The following ARHGEF11 variants were observed in gnomAD, a reference collection of about 807,000 sequenced individuals.
ARHGEF11 encodes the protein Rho guanine nucleotide exchange factor 11.
Under a neutral mutation model 193.7 loss-of-function variants are expected in ARHGEF11, and 55 were observed. The ratio of observed to expected loss-of-function variants is 0.28; its 90% CI spans 0.23 to 0.36. The LOEUF is 0.36. ARHGEF11 is among the 10% of genes least tolerant of loss of function. The pLI is 1.00. For synonymous variants in ARHGEF11, 693 were observed against 768.0 expected, an observed-to-expected ratio of 0.90 and a Z score of 1.62; for missense variants, 1,723 against 2,005.6, an observed-to-expected ratio of 0.86 and a Z score of 2.69.
At chr1:157,037,689 C>A (rs1328338357) in intron 1 of ARHGEF11, among the ~76,000 whole-genome samples, 3 of 152,118 alleles carry the variant, frequency 2.0e-5, no homozygotes, top group Admixed American at 6.5e-5. Flanking sequence ...CAATTATGTA[C>A]CATCTTTTTA....
intron 40 of ARHGEF11, among the ~76,000 whole-genome samples, chr1:156,936,489 A>T (rs1655188952): frequency 1.3e-5 from 1 of 77,142 alleles, no homozygotes; most frequent in Non-Finnish European, 2.4e-5. Flanking sequence ...AGAAAAAAAA[A>T]AAAAAAAAAT....
intron 1 of ARHGEF11, among the ~76,000 whole-genome samples, chr1:157,034,198 A>G (rs989016671): frequency 1.3e-5 from 2 of 152,086 alleles, no homozygotes; most frequent in Non-Finnish European, 2.9e-5. Flanking sequence ...CCATTCACAT[A>G]GCTATTTACT....
At chr1:156,955,621 C>T in intron 20 of ARHGEF11, 82 bp downstream of exon 20, 1 of 1,100,498 alleles carries the variant, frequency 9.1e-7, no homozygotes, top group South Asian at 1.3e-5. Context: ...ACAGGAAGGC[C>T]CTCTGCCAAC....
chr1:156,966,514 CCA>C (rs1267344091), intron 11 of ARHGEF11, among the ~76,000 whole-genome samples: 1 of 152,204 alleles, frequency 6.6e-6, no homozygotes, highest in Non-Finnish European at 1.5e-5. Flanking sequence ...AGATGACAAC[CCA>C]CAGTTTGAAA....
chr1:157,013,245 A>AT (rs1490588330), intron 1 of ARHGEF11, among the ~76,000 whole-genome samples: 2 of 133,908 alleles, frequency 1.5e-5, no homozygotes, highest in African/African-American at 5.6e-5. Flanking sequence ...CCAACTGCTC[A>AT]TAACTCCCCA....
Position 156,948,767 on chromosome 1 carries a change from G to A in ARHGEF11, c.1926-269C>T. On this transcript the variant is annotated intron_variant, in intron 22 of 40. Coordinates refer to ENST00000368194, the MANE Select transcript of ARHGEF11 (RefSeq NM_198236.3). This position sits in a 1 kb window ranked among gnomAD's most constrained non-coding sequence, Gnocchi z 4.2. ...GAGCTATTAGGAAGGGATCCTAACA[G>A]GAAGATGAAATCTGGGGCTAACAGA... The A allele has an allele frequency of 1.4e-6, 2 of 1,402,360 alleles. No homozygotes were observed. Among genetic ancestry groups the A allele is most frequent in the Middle Eastern group, 2.5e-4 (1 of 3,988 alleles). The allele number at this position is 1,402,360 out of a possible 1,614,324, so 86.9% of individuals were successfully genotyped here.
At chr1:157,046,036 G>A (rs1263422248), upstream of ARHGEF11, among the ~76,000 whole-genome samples, 3 of 151,052 alleles carry the variant, frequency 2.0e-5, no homozygotes, top group Non-Finnish European at 4.4e-5. Context: ...GCCCGCCCCT[G>A]TCCCGGCCTC....
At chr1:157,040,790 T>C (rs952696974) in intron 1 of ARHGEF11, among the ~76,000 whole-genome samples, 2 of 152,254 alleles carry the variant, frequency 1.3e-5, no homozygotes, top group African/African-American at 2.4e-5. Flanking sequence ...ATAATTTATA[T>C]AGAGTTTACA....
intron 13 of ARHGEF11, among the ~76,000 whole-genome samples, chr1:156,962,312 C>A (rs540091511): frequency 3.6e-4 from 55 of 152,256 alleles, no homozygotes; most frequent in African/African-American, 1.2e-3. Flanking sequence ...AAAACAGCAG[C>A]CCATGCCCCA....
At chr1:157,035,823 TATATATATGGA>T (rs1208692234) in intron 1 of ARHGEF11, among the ~76,000 whole-genome samples, 1 of 30 alleles carries the variant, frequency 0.033, no homozygotes, top group Non-Finnish European at 0.042. Context: ...TATATAGGAA[TATATATATGGA>T]ATATATATAT....
intron 1 of ARHGEF11, among the ~76,000 whole-genome samples, chr1:156,995,563 T>TA (rs1557923035): frequency 1.3e-5 from 2 of 151,734 alleles, no homozygotes; most frequent in Non-Finnish European, 2.9e-5. Context: ...CTTCTTCTTT[T>TA]TTTTTTTTTT....
rs371477646 is a variant in ARHGEF11, at chr1:156,947,289, G to A, written c.2488+15C>T. ...GGCAGCAGAAGAGGAGTCTGGAGGG[G>A]CACAGGCTCCTTACTGTGAATCTCT... On this transcript the variant is annotated intron_variant, in intron 26 of 40. Transcript: ENST00000368194. 2.5e-6 allele frequency: 4 copies of A among 1,593,696 alleles called. No homozygotes were observed. Among genetic ancestry groups the A allele is most frequent in the Admixed American group, 1.8e-5 (1 of 56,510 alleles).
rs142918050 is a variant in ARHGEF11 at position 156,999,753 on chromosome 1, AG to A, written c.33-13581del. ...AAGATAAAGAACAAGCATCTGTCAC[AG>A]GGACTTGCCAGGGCCGAAGGGAAAG... is the stretch of plus-strand genomic sequence containing the variant. On this transcript the variant is annotated intron_variant, in intron 1 of 40. Coordinates refer to ENST00000368194, the MANE Select transcript of ARHGEF11 (RefSeq NM_198236.3). 7.8e-3 allele frequency among the ~76,000 whole-genome samples: 1,194 copies of A among 152,330 alleles called. 14 individuals are homozygous for A. The highest frequency in any genetic ancestry group is 0.026 in the African/African-American group (1,073 of 41,582).
intron 11 of ARHGEF11, among the ~76,000 whole-genome samples, chr1:156,965,764 C>A (rs1661597479): frequency 6.6e-6 from 1 of 152,138 alleles, no homozygotes; most frequent in Non-Finnish European, 1.5e-5. Flanking sequence ...TTAGAATTTT[C>A]TTTTGATGCC....
chr1:157,016,358 T>A (rs1669230312), intron 1 of ARHGEF11, among the ~76,000 whole-genome samples: 1 of 141,544 alleles, frequency 7.1e-6, no homozygotes, highest in Non-Finnish European at 1.5e-5. Context: ...TAGCTGGGAT[T>A]ATAGACACCT....
chr1:156,947,352 C>T lies in ARHGEF11; in HGVS notation c.2440G>A (p.Glu814Lys). Residue 814 changes from glutamate to lysine, a missense_variant, in exon 26 of 41, where the codon GAG (glutamate) becomes AAG (lysine). Physicochemically the swap from Glu to Lys is moderately conservative, Grantham distance 56. Transcript: ENST00000368194. ...MKKENLMPRE[E>K]LARLFPNLPE... ...AGGTTCGGGAAGAGCCGGGCCAGCT[C>T]CTCCCGGGGCATCAGGTTCTCCTTC... 6.2e-7 allele frequency: 1 copy of T among 1,613,970 alleles called. No individual in the cohort carries two copies. The highest frequency in any genetic ancestry group is 2.2e-5 in the East Asian group (1 of 44,870).
At chr1:156,988,076 A>C (rs1337595634) in intron 1 of ARHGEF11, among the ~76,000 whole-genome samples, 1 of 152,202 alleles carries the variant, frequency 6.6e-6, no homozygotes, top group Non-Finnish European at 1.5e-5. Context: ...CACAGCATCT[A>C]ACAGGAAGTA....
At position 156,948,404 on chromosome 1, in the gene ARHGEF11, G is replaced by T; in HGVS notation, c.2020C>A (p.Arg674Ser). Residue 674 changes from arginine (R) to serine (S), a missense_variant, in exon 23 of 41, where the codon CGC (arginine) becomes AGC (serine). Arg to Ser is a moderately radical substitution (Grantham distance 110). Transcript: ENST00000368194. The surrounding 1 kb of genome is among the most constrained non-coding windows in gnomAD (Gnocchi z 4.2). ...GCAGCATCCATGTCAACATCACTGC[G>T]AGAGCGGGGCACGTTCTCTGCCTTT... The part of the protein sequence containing the change: ...SRKAENVPRS[R>S]SDVDMDAAAE... The T allele has an allele frequency of 6.2e-7, 1 of 1,614,250 alleles. No individual in the cohort carries two copies. The highest frequency in any genetic ancestry group is 8.5e-7 in the Non-Finnish European group (1 of 1,180,050).
At chr1:156,952,044 TA>T (rs1251839320) in intron 21 of ARHGEF11, among the ~76,000 whole-genome samples, 1 of 152,060 alleles carries the variant, frequency 6.6e-6, no homozygotes, top group African/African-American at 2.4e-5. Context: ...ACATACAGGT[TA>T]AAAAACAGCC....
Sources: allele counts gnomAD v4.1 joint callset (sites outside exome capture counted in the v4.1 genomes callset), GRCh38; gene constraint gnomAD v4.1.1; non-coding constraint Gnocchi (gnomAD v3.1); transcripts MANE v1.5; gene names NCBI Gene and HGNC (gene_info 2026-07-23, HGNC 2026-07-21).